CPXM2: variants seen among roughly 807,000 people sequenced by gnomAD.
The protein encoded by CPXM2 is inactive carboxypeptidase-like protein X2.
CPXM2 carries 66 observed loss-of-function variants against 86.1 expected under a neutral mutation model. The observed-to-expected ratio is 0.77, with a 90% CI of 0.63 to 0.94. CPXM2 has a LOEUF of 0.94. Among genes scored for constraint, CPXM2 ranks in the 40% least tolerant of loss-of-function variants. The pLI, the probability that CPXM2 is intolerant of heterozygous loss-of-function variation, is 0.00. For missense variants in CPXM2, 948 were observed against 1,026.3 expected (o/e 0.92, Z 1.04); for synonymous variants, 388 against 400.2 (o/e 0.97, Z 0.36).
upstream of CPXM2, among the ~76,000 whole-genome samples, chr10:123,893,542 G>T (rs1485459958): frequency 4.6e-5 from 7 of 152,174 alleles, no homozygotes; most frequent in African/African-American, 1.7e-4. Flanking sequence ...GGAGGCCTTG[G>T]TCCTGCCTGT....
At chr10:123,933,279 A>G (rs1945683495) in intron 2 of CPXM2, among the ~76,000 whole-genome samples, 1 of 152,216 alleles carries the variant, frequency 6.6e-6, no homozygotes, top group Admixed American at 6.5e-5. Flanking sequence ...TCTTCCTAGC[A>G]TTGATCTAGG....
At chr10:123,882,952 C>A (rs1011431791) in intron 1 of CPXM2, among the ~76,000 whole-genome samples, 2 of 150,912 alleles carry the variant, frequency 1.3e-5, no homozygotes, top group African/African-American at 4.9e-5. Context: ...CCCCACCAAC[C>A]CCGCAACCAT....
intron 3 of CPXM2, among the ~76,000 whole-genome samples, chr10:123,859,033 C>G (rs2134189466): frequency 6.6e-6 from 1 of 152,296 alleles, no homozygotes; most frequent in South Asian, 2.1e-4. Flanking sequence ...GCAGAGCGAC[C>G]AGCACCAGCA....
intron 13 of CPXM2, among the ~76,000 whole-genome samples, chr10:123,749,212 C>T (rs1468635920): frequency 6.6e-6 from 1 of 151,970 alleles, no homozygotes; most frequent in Non-Finnish European, 1.5e-5. Context: ...ACGTTGGAGG[C>T]CCCTGGAAGC....
intron 3 of CPXM2, among the ~76,000 whole-genome samples, chr10:123,858,030 G>A (rs962472658): frequency 2.0e-5 from 3 of 151,592 alleles, no homozygotes; most frequent in East Asian, 1.9e-4. Context: ...ATATTCACCC[G>A]TGACAGTGCA....
intron 6 of CPXM2, among the ~76,000 whole-genome samples, chr10:123,787,363 C>T (rs1483793845): frequency 1.3e-5 from 2 of 152,160 alleles, no homozygotes; most frequent in Non-Finnish European, 2.9e-5. Flanking sequence ...GAGCCCCAAA[C>T]CAAGTGCCTG....
intron 3 of CPXM2, among the ~76,000 whole-genome samples, chr10:123,846,958 G>A (rs1033628503): frequency 6.6e-6 from 1 of 152,074 alleles, no homozygotes; most frequent in African/African-American, 2.4e-5. Flanking sequence ...GAAAACAAAA[G>A]GTTGTTAAGA....
chr10:123,882,717 C>A (rs1460745829), intron 1 of CPXM2, among the ~76,000 whole-genome samples: 1 of 152,074 alleles, frequency 6.6e-6, no homozygotes, highest in African/African-American at 2.4e-5. Flanking sequence ...GGTCCCCCAG[C>A]ACTATGGCCT....
intron 2 of CPXM2, among the ~76,000 whole-genome samples, chr10:123,931,052 CAG>C (rs1448707266): frequency 6.6e-6 from 1 of 152,178 alleles, no homozygotes; most frequent in African/African-American, 2.4e-5. Context: ...GTAACCACAA[CAG>C]AGAGTAAGAA....
At chr10:123,768,379 ATAAAT>A (rs1326034100) in intron 9 of CPXM2, 142 bp downstream of exon 9, 5,532 of 23,224 alleles carry the variant, frequency 0.24, 73 homozygotes, top group Non-Finnish European at 0.3. Flanking sequence ...GACTCAAAAA[ATAAAT>A]AAATAAATAA....
chr10:123,746,821 G>A lies in CPXM2; in HGVS notation c.2214C>T (p.Val738=). The A allele has an allele frequency of 6.2e-7, 1 of 1,614,222 alleles. No homozygotes were observed. The highest frequency in any genetic ancestry group is 1.1e-5 in the South Asian group (1 of 91,078). Residue 738 remains valine (V), a synonymous_variant, in exon 14 of 14, where the codon GTC becomes GTT. Coordinates refer to ENST00000241305, the MANE Select transcript of CPXM2 (RefSeq NM_198148.3). ...EIMEKFGKQP[V]SLPARRLKLR... is the part of the protein sequence containing the mutation. ...GCTTCAGCCGCCTGGCTGGCAGGCT[G>A]ACGGGCTGCTTCCCAAACTTCTCCA...
intron 4 of CPXM2, among the ~76,000 whole-genome samples, chr10:123,806,437 T>C (rs1333324730): frequency 6.6e-6 from 1 of 152,222 alleles, no homozygotes; most frequent in Non-Finnish European, 1.5e-5. Context: ...TGTTGTTTAC[T>C]AACTACATAA....
At chr10:123,928,574 G>A (rs78515164) in intron 2 of CPXM2, among the ~76,000 whole-genome samples, 1,672 of 152,274 alleles carry the variant, frequency 0.011, 33 homozygotes, top group African/African-American at 0.038. Flanking sequence ...TCTGAGACAA[G>A]GTCAGAAAAT....
Position 123,848,075 on chromosome 10 carries a change from A to AT in CPXM2, c.514-5588dup, listed in dbSNP as rs1334111435. On this transcript the variant is annotated intron_variant, in intron 3 of 13. Transcript: ENST00000241305. ...GATAAAGTGATAGTTATTTTAAAATATTTTTGAGAAAAAAATTTAGAAGCA... is the reference window on the plus strand; with the variant it reads ...GATAAAGTGATAGTTATTTTAAAATATTTTTTGAGAAAAAAATTTAGAAGCA... Among the ~76,000 whole-genome samples the AT allele has an allele frequency of 7.2e-5, 11 of 152,376 alleles. No homozygotes were observed. The South Asian group carries it at 1.2e-3, about 17-fold the overall frequency.
In CPXM2 at chr10:123,799,090, T is replaced by C. The variant is rs772372351; in HGVS notation, c.738+25A>G. On this transcript the variant is annotated intron_variant, in intron 5 of 13. Coordinates refer to ENST00000241305, the MANE Select transcript of CPXM2 (RefSeq NM_198148.3). ...CCCCACCCAGCCAGGAAGAAAGGCA[T>C]GGTTAAATGGAGGATGAGACTCACC... 16 of 1,613,376 alleles carry C rather than the reference T, an allele frequency of 9.9e-6. No individual in the cohort carries two copies. In the South Asian group the frequency reaches 1.4e-4, roughly 14 times the overall value.
At chr10:123,943,426 C>G (rs147168490), upstream of CPXM2, among the ~76,000 whole-genome samples, 736 of 152,280 alleles carry the variant, frequency 4.8e-3, 10 homozygotes, top group African/African-American at 0.016. Context: ...GAATTCAATG[C>G]CTCAGGGGAG....
chr10:123,870,337 C>T lies in CPXM2; in HGVS notation c.404-7614G>A, dbSNP rs9423276. The stretch of plus-strand genomic sequence containing the variant: ...AAAGAGCTGGAGCCAAGACAGGCAT[C>T]CCCCGCTGGCAGAGCAGAGCTCAGA... On this transcript the variant is annotated intron_variant, in intron 2 of 13. Transcript: ENST00000241305. 3.2e-3 allele frequency among the ~76,000 whole-genome samples: 484 copies of T among 152,312 alleles called. 2 individuals are homozygous for T. The highest frequency in any genetic ancestry group is 6.8e-3 in the Middle Eastern group (2 of 294).
chr10:123,934,613 T>G (rs946280393), intron 2 of CPXM2, among the ~76,000 whole-genome samples: 2 of 152,092 alleles, frequency 1.3e-5, no homozygotes, highest in African/African-American at 4.8e-5. Context: ...ATGAATTTGG[T>G]GGGGACCCTC....
intron 11 of CPXM2, among the ~76,000 whole-genome samples, chr10:123,759,604 C>T (rs1253237728): frequency 8.5e-5 from 13 of 152,318 alleles, no homozygotes; most frequent in Middle Eastern, 3.4e-3. Flanking sequence ...GGGGCCATGA[C>T]GTGCCCCAGA....
Sources: allele counts gnomAD v4.1 joint callset (sites outside exome capture counted in the v4.1 genomes callset), GRCh38; gene constraint gnomAD v4.1.1; transcripts MANE v1.5; gene names NCBI Gene and HGNC (gene_info 2026-07-23, HGNC 2026-07-21).